The following PSD3 variants were observed in gnomAD, a reference collection of about 807,000 sequenced individuals.
PSD3 encodes PH and SEC7 domain-containing protein 3.
PSD3 carries 49 observed loss-of-function variants against 105.5 expected under a neutral mutation model. That is an observed-to-expected ratio of 0.46 (90% CI 0.37 to 0.59). The LOEUF is 0.59. PSD3 is among the 20% of genes least tolerant of loss of function. PSD3 has a pLI of 0.00. For synonymous variants in PSD3, 557 were observed against 457.8 expected (o/e 1.22, Z -2.77); for missense variants, 1,561 against 1,263.8 (o/e 1.24, Z -3.57).
intron 9 of PSD3, among the ~76,000 whole-genome samples, chr8:18,692,943 C>T (rs993062187): frequency 1.3e-5 from 2 of 152,166 alleles, no homozygotes; most frequent in Non-Finnish European, 2.9e-5. Flanking sequence ...CAGAAATTCA[C>T]TACCGGGGGT....
chr8:18,646,622 G>A (rs2130817550), intron 10 of PSD3, among the ~76,000 whole-genome samples: 1 of 152,010 alleles, frequency 6.6e-6, no homozygotes, highest in Middle Eastern at 3.4e-3. Flanking sequence ...TTAAATGAAA[G>A]GCGACAAATT....
At position 18,913,068 on chromosome 8, in the gene PSD3, A is replaced by AAC. The variant is rs1188033210; in HGVS notation, c.130+22964_130+22965dup. 4.8e-4 allele frequency among the ~76,000 whole-genome samples: 54 copies of AAC among 113,272 alleles called. No individual in the cohort carries two copies. In the South Asian group the frequency reaches 8.9e-3, roughly 19 times the overall value. The allele number at this position is 113,272 out of a possible 152,430, so 74.3% of individuals were successfully genotyped here. ...CTGGTTTAATCTAAACAACTTTATA[A>AAC]ACACACACACACACACAAACACACA... On this transcript the variant is annotated intron_variant, in intron 2 of 15. Transcript: ENST00000327040.
At chr8:18,598,972 G>C (rs80144594) in intron 12 of PSD3, among the ~76,000 whole-genome samples, 26,793 of 151,840 alleles carry the variant, frequency 0.18, 2,750 homozygotes, top group Non-Finnish European at 0.24. Context: ...TGTCCATACT[G>C]CCCACAGCGA....
rs533346694 is a variant in PSD3, at chr8:18,539,314, CTG to C, written c.2929-3358_2929-3357del. On this transcript the variant is annotated intron_variant, in intron 15 of 15. Transcript: ENST00000327040. ...TGGAGAGCAAGGGCAAGAAACATAA[CTG>C]AAATTTCTCTCTTCATTGATTTCGC... Among the ~76,000 whole-genome samples the C allele has an allele frequency of 1.3e-4, 20 of 152,290 alleles. No homozygotes were observed. The East Asian group carries it at 3.7e-3, about 28-fold the overall frequency.
In PSD3 at chr8:18,614,569, C is replaced by T. The variant is rs1309471704; in HGVS notation, c.2411-14135G>A. The stretch of plus-strand genomic sequence containing the variant: ...CCAGGCTTAAAAGGAACAAATAAGG[C>T]TTAATACATTACTGTGGGTTTTCAT... On this transcript the variant is annotated intron_variant, in intron 11 of 15. Coordinates refer to ENST00000327040, the MANE Select transcript of PSD3 (RefSeq NM_015310.4). 3.9e-5 allele frequency among the ~76,000 whole-genome samples: 6 copies of T among 152,066 alleles called. No homozygotes were observed. In the East Asian group the frequency reaches 7.7e-4, roughly 20 times the overall value.
intron 8 of PSD3, among the ~76,000 whole-genome samples, chr8:18,780,856 G>A (rs1162787002): frequency 3.3e-5 from 5 of 152,070 alleles, no homozygotes; most frequent in Non-Finnish European, 5.9e-5. Flanking sequence ...GCCTGGCCCA[G>A]AGTTTTATAC....
Position 18,535,608 on chromosome 8 carries a change from A to T in PSD3, c.*135T>A. The T allele has an allele frequency of 1.3e-6, 1 of 758,784 alleles. No individual in the cohort carries two copies. The highest frequency in any genetic ancestry group is 2.1e-6 in the Non-Finnish European group (1 of 469,648). 47.0% of individuals were successfully genotyped at this position (758,784 alleles called of 1,614,324 possible). On this transcript the variant is annotated 3_prime_UTR_variant, in exon 16 of 16. Transcript: ENST00000327040. ...AATCTGTACAGAAACTAACAAAAAT[A>T]TACAATAGAAAAAATTACTAATGCA...
intron 8 of PSD3, chr8:18,799,044 G>C (rs1430512162): frequency 4.9e-6 from 2 of 407,876 alleles, no homozygotes; most frequent in Admixed American, 4.1e-5. Context: ...ACTGGACAAA[G>C]AAGACACAGA....
At chr8:18,547,683 G>C (rs568675064) in intron 15 of PSD3, among the ~76,000 whole-genome samples, 1 of 152,290 alleles carries the variant, frequency 6.6e-6, no homozygotes, top group Non-Finnish European at 1.5e-5. Context: ...CCATCTTGCA[G>C]ACATCACTTC....
Position 18,868,071 on chromosome 8 carries a change from T to C in PSD3, c.1239-2A>G, listed in dbSNP as rs1260004337. On this transcript the variant is annotated splice_acceptor_variant, in intron 3 of 15. Coordinates refer to ENST00000327040, the MANE Select transcript of PSD3 (RefSeq NM_015310.4). LOFTEE classifies it high-confidence loss of function. ...ACGTGCTCCTCTTGTTCGCTGATCC[T>C]GGAAAGTAAATAAGAGTGAAGAATT... 1 of 1,593,140 alleles carries C rather than the reference T, an allele frequency of 6.3e-7. No homozygotes were observed. Among genetic ancestry groups the C allele is most frequent in the Admixed American group, 1.8e-5 (1 of 56,992 alleles).
rs1349845068 is a variant in PSD3, at chr8:18,530,058, A to C, written c.*5685T>G. ...GGAGCTGAAGTTAGTCTCCCACCCC[A>C]CAATTCAAACTCTCTGAATCAGCTA... On this transcript the variant is annotated 3_prime_UTR_variant, in exon 16 of 16. Coordinates refer to ENST00000327040, the MANE Select transcript of PSD3 (RefSeq NM_015310.4). 1 of 152,614 alleles carries C rather than the reference A, an allele frequency of 6.6e-6. No individual in the cohort carries two copies. Among genetic ancestry groups the C allele is most frequent in the Non-Finnish European group, 1.5e-5 (1 of 68,030 alleles). The allele number at this position is 152,614 out of a possible 1,614,324, so 9.5% of individuals were successfully genotyped here. A position where few individuals can be genotyped will look rare whatever the true frequency, so the allele number is the denominator to read the frequency against.
chr8:18,746,640 GTGTT>G (rs1249527292), intron 9 of PSD3, among the ~76,000 whole-genome samples: 3 of 152,222 alleles, frequency 2.0e-5, no homozygotes, highest in Non-Finnish European at 4.4e-5. Flanking sequence ...CTGGAGTACA[GTGTT>G]TGTGTACTGT....
At chr8:18,825,506 T>A (rs1462587019) in intron 4 of PSD3, among the ~76,000 whole-genome samples, 1 of 152,216 alleles carries the variant, frequency 6.6e-6, no homozygotes, top group African/African-American at 2.4e-5. Context: ...TATTAGAGGA[T>A]AAATAATAAT....
At chr8:18,974,294 C>G (rs1437697425) in intron 1 of PSD3, among the ~76,000 whole-genome samples, 1 of 152,174 alleles carries the variant, frequency 6.6e-6, no homozygotes, top group Non-Finnish European at 1.5e-5. Flanking sequence ...GGATTCAAAC[C>G]AACCTCTGAG....
chr8:18,677,605 C>G (rs1800131088), intron 9 of PSD3, among the ~76,000 whole-genome samples: 1 of 152,140 alleles, frequency 6.6e-6, no homozygotes, highest in South Asian at 2.1e-4. Context: ...GGGGAATAAA[C>G]AGTTATCGAT....
intron 14 of PSD3, among the ~76,000 whole-genome samples, chr8:18,561,025 A>G (rs1801364682): frequency 6.6e-6 from 1 of 152,194 alleles, no homozygotes; most frequent in African/African-American, 2.4e-5. Flanking sequence ...GGAAAACTGT[A>G]AGAAGGCTCC....
rs58149086 is a variant in PSD3 at position 18,533,144 on chromosome 8, G to T, written c.*2599C>A. 1 of 152,154 alleles carries T rather than the reference G, an allele frequency of 6.6e-6. No individual in the cohort carries two copies. The highest frequency in any genetic ancestry group is 2.4e-5 in the African/African-American group (1 of 41,418). The allele number at this position is 152,154 out of a possible 1,614,324, so 9.4% of individuals were successfully genotyped here. On this transcript the variant is annotated 3_prime_UTR_variant, in exon 16 of 16. Transcript: ENST00000327040. ...CCCAAAGGAAAATGTGGTTGGCTAT[G>T]GGCCAGACTCTCAGAATCTAGGCAA... is the stretch of plus-strand genomic sequence containing the variant.
intron 1 of PSD3, among the ~76,000 whole-genome samples, chr8:19,081,331 T>C (rs1157112255): frequency 3.9e-5 from 6 of 152,156 alleles, no homozygotes; most frequent in Admixed American, 6.5e-5. Context: ...CCAGAGGAAT[T>C]AGGAGTGCAG....
intron 14 of PSD3, among the ~76,000 whole-genome samples, chr8:18,572,066 C>A (rs7018369): frequency 0.39 from 59,455 of 152,024 alleles, 12,669 homozygotes; most frequent in Non-Finnish European, 0.48. Flanking sequence ...CCATTCAGCT[C>A]TGCTCTGAGG....
Sources: gnomAD v4.1 joint callset for allele counts (sites outside exome capture counted in the v4.1 genomes callset) on GRCh38, gnomAD v4.1.1 for gene constraint, MANE v1.5 for transcripts, NCBI Gene and HGNC (gene_info 2026-07-23, HGNC 2026-07-21) for gene names.